NBAS: variants seen among roughly 807,000 people sequenced by gnomAD.
NBAS encodes NAG/BC035112 fusion.
Under a neutral mutation model 302.5 loss-of-function variants are expected in NBAS, and 219 were observed. That is an observed-to-expected ratio of 0.72 (90% confidence interval 0.65 to 0.81). NBAS has a LOEUF of 0.81. NBAS is among the 30% of genes least tolerant of loss of function. The pLI, the probability that NBAS is intolerant of heterozygous loss-of-function variation, is 0.00. For missense variants in NBAS, 2,932 were observed against 2,841.6 expected (o/e 1.03, Z -0.72); for synonymous variants, 1,118 against 1,021.6 (o/e 1.09, Z -1.80).
At chr2:15,236,070 A>G (rs1667576794) in intron 45 of NBAS, among the ~76,000 whole-genome samples, 2 of 152,210 alleles carry the variant, frequency 1.3e-5, no homozygotes, top group Non-Finnish European at 2.9e-5. Flanking sequence ...AGCTTTTGCT[A>G]TATAAGGTGC....
chr2:15,085,452 T>C, the NBAS span, among the ~76,000 whole-genome samples: 7,691 of 152,028 alleles, frequency 0.051, 431 homozygotes, highest in African/African-American at 0.12. Flanking sequence ...CAGGGCCACC[T>C]CTCAGTGCTG....
intron 2 of NBAS, 116 bp from the exon 3 acceptor site, chr2:15,556,935 A>G: frequency 1.2e-6 from 1 of 809,952 alleles, no homozygotes; most frequent in Non-Finnish European, 2.1e-6. Context: ...ATTAAAAAAA[A>G]TAAAGAACTC....
intron 38 of NBAS, among the ~76,000 whole-genome samples, chr2:15,312,417 G>A (rs1435300155): frequency 1.3e-5 from 2 of 152,096 alleles, no homozygotes; most frequent in East Asian, 1.9e-4. Context: ...AGAATGACAG[G>A]CGTGTGCCAC....
intron 28 of NBAS, among the ~76,000 whole-genome samples, chr2:15,390,123 G>C (rs1675515775): frequency 6.6e-6 from 1 of 152,108 alleles, no homozygotes; most frequent in Non-Finnish European, 1.5e-5. Context: ...GCTAGGAAAA[G>C]AAAAGGGGAA....
At chr2:14,848,876 G>C in the NBAS span, among the ~76,000 whole-genome samples, 1 of 150,708 alleles carries the variant, frequency 6.6e-6, no homozygotes, top group African/African-American at 2.5e-5. Context: ...CTGTCTGTTA[G>C]AAGGAAAAAT....
chr2:14,805,698 G>A, the NBAS span, among the ~76,000 whole-genome samples: 5,981 of 152,196 alleles, frequency 0.039, 158 homozygotes, highest in Non-Finnish European at 0.057. Flanking sequence ...CAGTGCTTTA[G>A]CCACATCAAA....
chr2:14,936,174 A>G, the NBAS span, among the ~76,000 whole-genome samples: 1 of 152,182 alleles, frequency 6.6e-6, no homozygotes, highest in South Asian at 2.1e-4. Flanking sequence ...CATCACCAAA[A>G]CAAACACTGC....
At chr2:15,518,050 T>G (rs553044943) in intron 9 of NBAS, among the ~76,000 whole-genome samples, 7 of 152,174 alleles carry the variant, frequency 4.6e-5, no homozygotes, top group African/African-American at 1.7e-4. Flanking sequence ...TCCCTTTTTT[T>G]TAAACTTAAA....
intron 47 of NBAS, among the ~76,000 whole-genome samples, chr2:15,220,251 G>C (rs1451034503): frequency 6.6e-6 from 1 of 151,506 alleles, no homozygotes. Context: ...CAGTAGGGGC[G>C]GCCGGGCAGA....
chr2:15,556,754 A>G (rs778556894), intron 3 of NBAS, 29 bp downstream of exon 3: 2 of 1,552,256 alleles, frequency 1.3e-6, no homozygotes, highest in East Asian at 4.5e-5. Flanking sequence ...TGATGTTCAT[A>G]CTGTTTCTCT....
chr2:15,209,385 C>T (rs563388902), intron 48 of NBAS, among the ~76,000 whole-genome samples: 94 of 152,176 alleles, frequency 6.2e-4, no homozygotes, highest in African/African-American at 1.6e-3. Flanking sequence ...AATACCAATC[C>T]TATTCCAACT....
At chr2:15,309,653 G>A (rs2148163445) in intron 38 of NBAS, among the ~76,000 whole-genome samples, 1 of 152,206 alleles carries the variant, frequency 6.6e-6, no homozygotes, top group African/African-American at 2.4e-5. Context: ...ATAGCTTTAG[G>A]AGTGCAAATT....
intron 44 of NBAS, among the ~76,000 whole-genome samples, chr2:15,249,460 G>A (rs1168209301): frequency 6.6e-6 from 1 of 152,128 alleles, no homozygotes; most frequent in African/African-American, 2.4e-5. Flanking sequence ...GGAAGTTCTG[G>A]CCAGGGCAAT....
the NBAS span, among the ~76,000 whole-genome samples, chr2:14,783,591 A>G: frequency 6.6e-6 from 1 of 150,498 alleles, no homozygotes; most frequent in African/African-American, 2.4e-5. Flanking sequence ...TGTCCTTGCA[A>G]TAGTTTACTG....
chr2:14,885,569 A>G, the NBAS span, among the ~76,000 whole-genome samples: 1 of 152,164 alleles, frequency 6.6e-6, no homozygotes, highest in Non-Finnish European at 1.5e-5. Flanking sequence ...AGAGATACAC[A>G]TTTGAGATTG....
chr2:15,060,529 A>G, the NBAS span, among the ~76,000 whole-genome samples: 75,101 of 151,924 alleles, frequency 0.49, 20,865 homozygotes, highest in African/African-American at 0.77. Flanking sequence ...GTGACAAGCT[A>G]GGCGCACACA....
the NBAS span, among the ~76,000 whole-genome samples, chr2:14,842,845 A>T: frequency 4.8e-4 from 67 of 141,010 alleles, no homozygotes; most frequent in African/African-American, 1.6e-3. Context: ...GCAGAAAATG[A>T]CAAAAAAAAA....
chr2:15,203,761 A>G (rs1027153107), intron 48 of NBAS, among the ~76,000 whole-genome samples: 4 of 152,138 alleles, frequency 2.6e-5, no homozygotes, highest in Non-Finnish European at 5.9e-5. Context: ...GAATACCTGA[A>G]ATCAGTAATA....
At chr2:14,915,566 T>G in the NBAS span, among the ~76,000 whole-genome samples, 6 of 151,728 alleles carry the variant, frequency 4.0e-5, no homozygotes, top group African/African-American at 1.2e-4. Context: ...ATCTGATGGG[T>G]TTTTTTTGTT....
Sources: allele counts gnomAD v4.1 joint callset (sites outside exome capture counted in the v4.1 genomes callset), GRCh38; gene constraint gnomAD v4.1.1; transcripts MANE v1.5; gene names NCBI Gene and HGNC (gene_info 2026-07-23, HGNC 2026-07-21).